The following MRPL1 variants were observed in gnomAD, a reference collection of about 807,000 sequenced individuals.
The protein encoded by MRPL1 is large ribosomal subunit protein uL1m.
MRPL1 carries 28 observed loss-of-function variants against 38.0 expected under a neutral mutation model. The observed-to-expected ratio is 0.74, with a 90% CI of 0.55 to 1.01. The LOEUF is 1.01. MRPL1 is among the 50% of genes least tolerant of loss of function. MRPL1 has a pLI of 0.00. For synonymous variants in MRPL1, 123 were observed against 126.7 expected (o/e 0.97, Z 0.20); for missense variants, 358 against 389.8 (o/e 0.92, Z 0.69).
At chr4:77,903,876 A>G (rs1736091885) in intron 6 of MRPL1, among the ~76,000 whole-genome samples, 2 of 152,088 alleles carry the variant, frequency 1.3e-5, no homozygotes, top group African/African-American at 4.8e-5. Context: ...AAACTCCCAG[A>G]AAGCTTTAAA....
At chr4:77,935,312 CA>C (rs1478498929) in intron 7 of MRPL1, among the ~76,000 whole-genome samples, 2 of 152,106 alleles carry the variant, frequency 1.3e-5, no homozygotes, top group Non-Finnish European at 2.9e-5. Context: ...AAACATATAA[CA>C]ACATAATTAG....
chr4:77,937,988 T>TA (rs961820933), intron 7 of MRPL1, among the ~76,000 whole-genome samples: 4 of 152,092 alleles, frequency 2.6e-5, no homozygotes, highest in African/African-American at 4.8e-5. Context: ...AAGCTTTCTT[T>TA]AAAAAAACAA....
intron 7 of MRPL1, among the ~76,000 whole-genome samples, chr4:77,924,062 TTCCCTATTCTTTCTG>T (rs1736652086): frequency 6.6e-6 from 1 of 152,146 alleles, no homozygotes; most frequent in African/African-American, 2.4e-5. Flanking sequence ...TGAGTTTTTT[TTCCCTATTCTTTCTG>T]TCCTTCATGT....
At chr4:77,871,668 A>G (rs1440999861) in intron 1 of MRPL1, 76 bp from the exon 2 acceptor site, 1 of 663,174 alleles carries the variant, frequency 1.5e-6, no homozygotes, top group Non-Finnish European at 2.5e-6. Flanking sequence ...TTTTGAAAGT[A>G]CTGACTTTTA....
intron 7 of MRPL1, among the ~76,000 whole-genome samples, chr4:77,921,374 T>A (rs1736573128): frequency 6.6e-6 from 1 of 152,202 alleles, no homozygotes; most frequent in Admixed American, 6.5e-5. Context: ...TATGTGTGGC[T>A]ATTATAGAAA....
chr4:77,882,025 T>C (rs1735552709), intron 2 of MRPL1, among the ~76,000 whole-genome samples: 2 of 152,192 alleles, frequency 1.3e-5, no homozygotes. Context: ...CTGCCTTCTC[T>C]TTTACCGTTT....
At chr4:77,907,046 G>A in intron 6 of MRPL1, 1 of 985,372 alleles carries the variant, frequency 1.0e-6, no homozygotes, top group East Asian at 1.1e-4. Flanking sequence ...TGTATGCTGA[G>A]GGTATGCCGT....
intron 3 of MRPL1, among the ~76,000 whole-genome samples, chr4:77,884,663 G>A (rs1215870881): frequency 2.0e-5 from 3 of 152,198 alleles, no homozygotes; most frequent in African/African-American, 4.8e-5. Context: ...CTTTAGGCTC[G>A]ACATTTTGTC....
At chr4:77,868,131 T>G (rs1156863038) in intron 1 of MRPL1, among the ~76,000 whole-genome samples, 2 of 152,046 alleles carry the variant, frequency 1.3e-5, no homozygotes, top group Non-Finnish European at 2.9e-5. Context: ...GGCACGATCT[T>G]GGCCCACTGC....
chr4:77,869,534 G>T (rs1178783453), intron 1 of MRPL1, among the ~76,000 whole-genome samples: 2 of 152,046 alleles, frequency 1.3e-5, no homozygotes, highest in Non-Finnish European at 2.9e-5. Context: ...GTAGTTTCTG[G>T]TTGTCATGAC....
At chr4:77,869,228 G>A (rs1014049328) in intron 1 of MRPL1, among the ~76,000 whole-genome samples, 2 of 152,212 alleles carry the variant, frequency 1.3e-5, no homozygotes, top group Admixed American at 6.5e-5. Flanking sequence ...AGAAAGGAGA[G>A]GGAGTTGTTT....
At position 77,945,621 on chromosome 4, in the gene MRPL1, A is replaced by G. The variant is rs184423925; in HGVS notation, c.778-4176A>G. Among the ~76,000 whole-genome samples the G allele has an allele frequency of 2.6e-5, 4 of 151,972 alleles. No homozygotes were observed. In the East Asian group the frequency reaches 7.7e-4, roughly 29 times the overall value. ...TCATCGTAAGTTCTTTCTATTTTCCATAAGTGTCGGCCGGCTGAGAAATAA... is the reference window on the plus strand; with the variant it reads ...TCATCGTAAGTTCTTTCTATTTTCCGTAAGTGTCGGCCGGCTGAGAAATAA... On this transcript the variant is annotated intron_variant, in intron 7 of 8. Transcript: ENST00000315567.
intron 2 of MRPL1, among the ~76,000 whole-genome samples, chr4:77,878,865 G>A (rs1299453779): frequency 3.3e-5 from 5 of 152,114 alleles, no homozygotes; most frequent in Non-Finnish European, 5.9e-5. Context: ...GCAACAGAGC[G>A]AGACTCCGTC....
rs112332956 is a variant in MRPL1, at chr4:77,950,693, A to G, written c.859+815A>G. Among the ~76,000 whole-genome samples the G allele has an allele frequency of 5.1e-3, 779 of 152,286 alleles. 8 individuals are homozygous for G. Among genetic ancestry groups the G allele is most frequent in the Middle Eastern group, 0.031 (9 of 294 alleles). ...CCTAAATATGGCCATACTACTAAGT[A>G]ATTGGATGTGTATGGATTCTTAGAG... On this transcript the variant is annotated intron_variant, in intron 8 of 8. Transcript: ENST00000315567.
At chr4:77,936,241 C>T (rs572818134) in intron 7 of MRPL1, among the ~76,000 whole-genome samples, 1 of 151,914 alleles carries the variant, frequency 6.6e-6, no homozygotes, top group African/African-American at 2.4e-5. Flanking sequence ...ATCTTGAACA[C>T]TTTCCCATGT....
intron 7 of MRPL1, among the ~76,000 whole-genome samples, chr4:77,934,155 A>T (rs1331827165): frequency 6.6e-6 from 1 of 152,222 alleles, no homozygotes; most frequent in Non-Finnish European, 1.5e-5. Context: ...ATTGTTACTT[A>T]CTGACACCAA....
At chr4:77,880,091 A>T (rs1008415656) in intron 2 of MRPL1, among the ~76,000 whole-genome samples, 1 of 152,202 alleles carries the variant, frequency 6.6e-6, no homozygotes, top group African/African-American at 2.4e-5. Flanking sequence ...ACAAATTGCC[A>T]TCTCTGCCAT....
chr4:77,948,368 G>A (rs980552726), intron 7 of MRPL1, among the ~76,000 whole-genome samples: 4 of 152,174 alleles, frequency 2.6e-5, no homozygotes, highest in Non-Finnish European at 5.9e-5. Context: ...CATAAAATAT[G>A]TAAGGTGCCT....
chr4:77,896,733 G>A (rs1274667334), intron 6 of MRPL1, among the ~76,000 whole-genome samples: 3 of 152,164 alleles, frequency 2.0e-5, no homozygotes, highest in African/African-American at 4.8e-5. Flanking sequence ...GGGAGTGGGC[G>A]TGTGTACATT....
Sources: gnomAD v4.1 joint callset for allele counts (sites outside exome capture counted in the v4.1 genomes callset) on GRCh38, gnomAD v4.1.1 for gene constraint, MANE v1.5 for transcripts, NCBI Gene and HGNC (gene_info 2026-07-23, HGNC 2026-07-21) for gene names.